PABPC4L: variants seen among roughly 807,000 people sequenced by gnomAD.
PABPC4L encodes poly(A) binding protein cytoplasmic 4 like.
For missense variants in PABPC4L, 452 were observed against 451.4 expected (o/e 1.00, Z -0.01); for synonymous variants, 169 against 164.1 (o/e 1.03, Z -0.23).
At chr4:134,145,694 GC>G in the PABPC4L span, among the ~76,000 whole-genome samples, 569 of 151,996 alleles carry the variant, frequency 3.7e-3, 2 homozygotes, top group African/African-American at 0.013. Context: ...TCTGAGACTT[GC>G]TAGAAAATTA....
the PABPC4L span, among the ~76,000 whole-genome samples, chr4:134,086,349 GCATTGTCACTCC>G: frequency 6.6e-6 from 1 of 152,008 alleles, no homozygotes; most frequent in Non-Finnish European, 1.5e-5. Flanking sequence ...TCAGTGGCTT[GCATTGTCACTCC>G]CCTAAAGGCA....
chr4:134,120,256 T>A, the PABPC4L span, among the ~76,000 whole-genome samples: 2 of 89,958 alleles, frequency 2.2e-5, no homozygotes, highest in African/African-American at 1.0e-4. Context: ...ATTTTTGTTC[T>A]TTGGTTTTTT....
the PABPC4L span, among the ~76,000 whole-genome samples, chr4:134,100,833 G>A: frequency 6.6e-6 from 1 of 151,604 alleles, no homozygotes; most frequent in South Asian, 2.1e-4. Context: ...CAATGTGCGA[G>A]AGATCTAAAT....
chr4:134,017,071 A>C, the PABPC4L span, among the ~76,000 whole-genome samples: 1 of 152,162 alleles, frequency 6.6e-6, no homozygotes, highest in East Asian at 1.9e-4. Context: ...ACCTCTATAC[A>C]GTCCTATAAC....
At chr4:134,018,615 T>C in the PABPC4L span, among the ~76,000 whole-genome samples, 1 of 152,154 alleles carries the variant, frequency 6.6e-6, no homozygotes, top group Non-Finnish European at 1.5e-5. Context: ...TGTTTGGATA[T>C]CTATGGATAC....
the PABPC4L span, among the ~76,000 whole-genome samples, chr4:134,094,255 G>C: frequency 6.6e-6 from 1 of 151,770 alleles, no homozygotes; most frequent in South Asian, 2.1e-4. Flanking sequence ...TTATTGAAAG[G>C]TATCCTCAAC....
the PABPC4L span, among the ~76,000 whole-genome samples, chr4:133,953,891 C>G: frequency 6.6e-6 from 1 of 152,190 alleles, no homozygotes; most frequent in Admixed American, 6.5e-5. Context: ...AAAAATTGAT[C>G]TAGCTGTTCT....
chr4:134,076,043 G>A, the PABPC4L span, among the ~76,000 whole-genome samples: 1 of 151,610 alleles, frequency 6.6e-6, no homozygotes, highest in Non-Finnish European at 1.5e-5. Flanking sequence ...TGAGGAATGA[G>A]GAGCTATAGC....
the PABPC4L span, among the ~76,000 whole-genome samples, chr4:134,006,255 A>AT: frequency 0.011 from 1,641 of 151,332 alleles, 18 homozygotes; most frequent in East Asian, 0.031. Context: ...TTTCTTTGTG[A>AT]TTTTTTTTCT....
the PABPC4L span, among the ~76,000 whole-genome samples, chr4:134,149,960 G>A: frequency 2.6e-5 from 4 of 152,092 alleles, no homozygotes; most frequent in Non-Finnish European, 4.4e-5. Flanking sequence ...CAGGAAGAGG[G>A]AGCCCATATT....
chr4:134,049,136 A>G, the PABPC4L span, among the ~76,000 whole-genome samples: 3 of 152,074 alleles, frequency 2.0e-5, no homozygotes, highest in African/African-American at 7.2e-5. Context: ...ACCCATTTTG[A>G]CAAGATACTT....
the PABPC4L span, among the ~76,000 whole-genome samples, chr4:134,005,101 T>A: frequency 6.6e-6 from 1 of 151,998 alleles, no homozygotes; most frequent in Admixed American, 6.6e-5. Context: ...GAGTAGATTT[T>A]AAATAATCTC....
the PABPC4L span, among the ~76,000 whole-genome samples, chr4:133,962,874 C>G: frequency 1.3e-5 from 2 of 152,128 alleles, no homozygotes; most frequent in African/African-American, 4.8e-5. Context: ...TGAAACAAAT[C>G]CTGGAAACAT....
the PABPC4L span, among the ~76,000 whole-genome samples, chr4:134,046,039 A>T: frequency 8.5e-5 from 13 of 152,266 alleles, no homozygotes; most frequent in African/African-American, 3.1e-4. Flanking sequence ...AGGTGGGACA[A>T]GAGACTGAGA....
the PABPC4L span, among the ~76,000 whole-genome samples, chr4:134,001,282 G>C: frequency 1.3e-5 from 2 of 151,730 alleles, no homozygotes; most frequent in South Asian, 2.1e-4. Context: ...CAGACAATTA[G>C]AGCACAGATA....
the PABPC4L span, among the ~76,000 whole-genome samples, chr4:134,050,110 G>T: frequency 6.6e-6 from 1 of 152,076 alleles, no homozygotes; most frequent in Non-Finnish European, 1.5e-5. Flanking sequence ...TTAATAAGCA[G>T]AGAAGATTAA....
the PABPC4L span, among the ~76,000 whole-genome samples, chr4:133,952,080 T>C: frequency 1.7e-4 from 26 of 152,142 alleles, no homozygotes; most frequent in Non-Finnish European, 2.6e-4. Context: ...AAGCTTATGG[T>C]AGCTGCTGAT....
At chr4:134,028,214 GT>G in the PABPC4L span, among the ~76,000 whole-genome samples, 2 of 152,058 alleles carry the variant, frequency 1.3e-5, no homozygotes, top group Non-Finnish European at 2.9e-5. Flanking sequence ...TCACATTATA[GT>G]TTCAGAACAA....
chr4:134,076,591 A>G, the PABPC4L span, among the ~76,000 whole-genome samples: 1 of 152,136 alleles, frequency 6.6e-6, no homozygotes, highest in African/African-American at 2.4e-5. Flanking sequence ...AACTAGTGGT[A>G]CCATTTTGTA....
Sources: gnomAD v4.1 joint callset for allele counts (sites outside exome capture counted in the v4.1 genomes callset) on GRCh38, gnomAD v4.1.1 for gene constraint, MANE v1.5 for transcripts, NCBI Gene and HGNC (gene_info 2026-07-23, HGNC 2026-07-21) for gene names.